Variants in CADPS observed in about 807,000 individuals in gnomAD.
The protein encoded by CADPS is calcium-dependent secretion activator 1.
A neutral mutation model predicts 167.3 loss-of-function variants in CADPS; 57 were observed. The ratio of observed to expected loss-of-function variants is 0.34; its 90% CI spans 0.28 to 0.42. The LOEUF (loss-of-function observed/expected upper bound fraction) is 0.42. CADPS is among the 20% of genes least tolerant of loss of function. The pLI, the probability that CADPS is intolerant of heterozygous loss-of-function variation, is 1.00. For missense variants in CADPS, 1,414 were observed against 1,738.1 expected (o/e 0.81, Z 3.32); for synonymous variants, 676 against 635.3 (o/e 1.06, Z -0.96).
At chr3:62,506,255 G>A (rs2066663989) in intron 17 of CADPS, among the ~76,000 whole-genome samples, 1 of 152,054 alleles carries the variant, frequency 6.6e-6, no homozygotes, top group South Asian at 2.1e-4. Flanking sequence ...GGGCATGGTG[G>A]TGTGCACCTG....
At chr3:62,678,854 G>A (rs2150981378) in intron 3 of CADPS, among the ~76,000 whole-genome samples, 1 of 151,978 alleles carries the variant, frequency 6.6e-6, no homozygotes, top group East Asian at 1.9e-4. Context: ...TTATTAAAAG[G>A]TGTCCAACCT....
At chr3:62,838,795 A>T (rs2076246741) in intron 1 of CADPS, among the ~76,000 whole-genome samples, 2 of 152,202 alleles carry the variant, frequency 1.3e-5, no homozygotes, top group African/African-American at 4.8e-5. Flanking sequence ...CTTAGGTCCC[A>T]GATTACTGGA....
chr3:62,817,164 C>A (rs17280557), intron 1 of CADPS, among the ~76,000 whole-genome samples: 26,085 of 152,080 alleles, frequency 0.17, 2,595 homozygotes, highest in Middle Eastern at 0.34. Flanking sequence ...GACTGAAGAG[C>A]CTTTGTAAAC....
At position 62,753,386 on chromosome 3, in the gene CADPS, T is replaced by C. The variant is rs1391808704; in HGVS notation, c.888+55A>G. 6 of 1,272,604 alleles carry C rather than the reference T, an allele frequency of 4.7e-6. No homozygotes were observed. Among genetic ancestry groups the C allele is most frequent in the Non-Finnish European group, 6.6e-6 (6 of 904,752 alleles). The allele number at this position is 1,272,604 out of a possible 1,614,324, so 78.8% of individuals were successfully genotyped here. On this transcript the variant is annotated intron_variant, in intron 3 of 29. Coordinates refer to ENST00000383710, the MANE Select transcript of CADPS (RefSeq NM_003716.4). The surrounding 1 kb of genome is among the most constrained non-coding windows in gnomAD (Gnocchi z 4.6). ...AAAATCAAGAAGTATCTCATAGAAG[T>C]TGGAATGCAGCTCTGCTTACCCACA...
intron 11 of CADPS, among the ~76,000 whole-genome samples, chr3:62,537,764 T>C (rs2074990708): frequency 6.6e-6 from 1 of 152,004 alleles, no homozygotes; most frequent in Non-Finnish European, 1.5e-5. Context: ...GCTTGGGGTA[T>C]GGCTGTAAGC....
rs1389113396 is a variant in CADPS at position 62,603,908 on chromosome 3, G to A, written c.1326-11160C>T. Among the ~76,000 whole-genome samples the A allele has an allele frequency of 5.3e-5, 8 of 151,528 alleles. No individual in the cohort carries two copies. The East Asian group carries it at 7.8e-4, about 15-fold the overall frequency. On this transcript the variant is annotated intron_variant, in intron 6 of 29. Transcript: ENST00000383710. ...GTGGCGTGATCTCGGCTCACTGCAA[G>A]CTCCACCTCCCGGGTTCATGCCATT...
intron 6 of CADPS, among the ~76,000 whole-genome samples, chr3:62,593,699 T>C (rs1025374335): frequency 9.2e-5 from 14 of 152,204 alleles, no homozygotes; most frequent in African/African-American, 2.4e-4. Flanking sequence ...TTGGCAATGT[T>C]TCTCCCCACC....
chr3:62,486,708 C>G (rs978567829), intron 21 of CADPS, among the ~76,000 whole-genome samples: 2 of 152,066 alleles, frequency 1.3e-5, no homozygotes, highest in Admixed American at 1.3e-4. Flanking sequence ...AAGGGTGAGC[C>G]GATGGTAAAG....
chr3:62,695,035 G>A lies in CADPS; in HGVS notation c.889-32641C>T, dbSNP rs139721322. On this transcript the variant is annotated intron_variant, in intron 3 of 29. Transcript: ENST00000383710. ...CATCCTGCAACTTTGAGCTCTGCTG[G>A]TTTCCACATCTTAGTTTTTCCTTCC... Among the ~76,000 whole-genome samples the A allele has an allele frequency of 1.6e-3, 250 of 152,090 alleles. 2 individuals carry two copies. Among genetic ancestry groups the A allele is most frequent in the African/African-American group, 5.9e-3 (244 of 41,464 alleles).
intron 28 of CADPS, among the ~76,000 whole-genome samples, chr3:62,435,703 G>C (rs551151506): frequency 1.3e-5 from 2 of 152,004 alleles, no homozygotes; most frequent in Middle Eastern, 3.2e-3. Flanking sequence ...GTGATGTGCA[G>C]TGAGTGATTG....
intron 13 of CADPS, among the ~76,000 whole-genome samples, chr3:62,525,691 GTGTGTGTGTGTGTA>G (rs946295564): frequency 7.9e-5 from 12 of 151,848 alleles, no homozygotes; most frequent in Non-Finnish European, 1.6e-4. Flanking sequence ...GTGTGTGTGT[GTGTGTGTGTGTGTA>G]TGTGTGTGTG....
rs550206422 is a variant in CADPS at position 62,587,187 on chromosome 3, T to G, written c.1438-1863A>C. Among the ~76,000 whole-genome samples, 4 of 152,360 alleles carry G rather than the reference T, an allele frequency of 2.6e-5. No individual in the cohort carries two copies. In the South Asian group the frequency reaches 8.3e-4, roughly 32 times the overall value. On this transcript the variant is annotated intron_variant, in intron 7 of 29. Transcript: ENST00000383710. ...TACTACCTCCAAATCAGAGCTTTTG[T>G]GCAGTTATCTTCTGAGGTCGCTTAT... is the stretch of plus-strand genomic sequence containing the variant.
rs757691469 is a variant in CADPS, at chr3:62,458,574, C to T, written c.3636+6793G>A. ...CACGATTTCAGCTCACTACAACCTC[C>T]GCCTCCCGAGTTCAAGCAATTCTCC... On this transcript the variant is annotated intron_variant, in intron 26 of 29. Transcript: ENST00000383710. This position sits in a 1 kb window ranked among gnomAD's most constrained non-coding sequence, Gnocchi z 4.6. 1.2e-4 allele frequency among the ~76,000 whole-genome samples: 19 copies of T among 152,212 alleles called. 1 individual carries two copies. Among genetic ancestry groups the T allele is most frequent in the African/African-American group, 2.9e-4 (12 of 41,532 alleles).
chr3:62,828,485 G>A (rs1031507640), intron 1 of CADPS, among the ~76,000 whole-genome samples: 5 of 152,048 alleles, frequency 3.3e-5, no homozygotes, highest in East Asian at 1.9e-4. Flanking sequence ...TTGCCATAAC[G>A]GCTTGAAAAA....
chr3:62,806,537 A>G (rs1480701851), intron 1 of CADPS, among the ~76,000 whole-genome samples: 1 of 152,128 alleles, frequency 6.6e-6, no homozygotes, highest in East Asian at 1.9e-4. Context: ...CTCCAAATAA[A>G]TAAAAAGAAA....
At chr3:62,749,252 G>C (rs900041215) in intron 3 of CADPS, among the ~76,000 whole-genome samples, 7 of 152,180 alleles carry the variant, frequency 4.6e-5, no homozygotes, top group Non-Finnish European at 8.8e-5. Context: ...TCTTTTGATA[G>C]ACATGGTTCA....
intron 1 of CADPS, among the ~76,000 whole-genome samples, chr3:62,789,008 C>CA (rs2092707206): frequency 6.6e-6 from 1 of 152,268 alleles, no homozygotes; most frequent in Non-Finnish European, 1.5e-5. Context: ...TCAATGATCA[C>CA]AAAAATATGT....
At position 62,772,394 on chromosome 3, in the gene CADPS, C is replaced by T. The variant is rs80262562; in HGVS notation, c.442-6410G>A. 1.4e-4 allele frequency among the ~76,000 whole-genome samples: 21 copies of T among 152,232 alleles called. No homozygotes were observed. In the East Asian group the frequency reaches 1.5e-3, roughly 11 times the overall value. ...TGGGGGCATCTTCTGGAGAAATATT[C>T]GAAATCCTCATGAAAATGAACATAC... On this transcript the variant is annotated intron_variant, in intron 1 of 29. Transcript: ENST00000383710.
intron 8 of CADPS, among the ~76,000 whole-genome samples, chr3:62,572,575 C>G (rs1189250235): frequency 6.6e-6 from 1 of 152,158 alleles, no homozygotes; most frequent in African/African-American, 2.4e-5. Context: ...TGGCCTCTTA[C>G]ATTTCATCAT....
Sources: allele counts gnomAD v4.1 joint callset (sites outside exome capture counted in the v4.1 genomes callset), GRCh38; gene constraint gnomAD v4.1.1; non-coding constraint Gnocchi (gnomAD v3.1); transcripts MANE v1.5; gene names NCBI Gene and HGNC (gene_info 2026-07-23, HGNC 2026-07-21).